The following HS3ST5 variants were observed in gnomAD, a reference collection of about 807,000 sequenced individuals.
HS3ST5 encodes heparan sulfate glucosamine 3-O-sulfotransferase 5.
In HS3ST5, 10 loss-of-function variants were observed where a neutral mutation model predicts 25.4. The observed-to-expected ratio is 0.39, with a 90% confidence interval of 0.24 to 0.67. The LOEUF is 0.67. Ranked by LOEUF, HS3ST5 falls within the 30% of genes least tolerant of loss-of-function variation. The pLI, the probability that HS3ST5 is intolerant of heterozygous loss-of-function variation, is 0.44. For missense variants in HS3ST5, 324 were observed against 420.7 expected (o/e 0.77, Z 2.01); for synonymous variants, 170 against 162.4 (o/e 1.05, Z -0.36).
intron 3 of HS3ST5, among the ~76,000 whole-genome samples, chr6:114,129,389 G>C (rs927242676): frequency 6.6e-6 from 1 of 151,674 alleles, no homozygotes; most frequent in East Asian, 2.0e-4. Flanking sequence ...CAGAGTAGCT[G>C]GGACTACAGG....
At chr6:114,209,813 A>G (rs951221720) in intron 2 of HS3ST5, among the ~76,000 whole-genome samples, 5 of 152,184 alleles carry the variant, frequency 3.3e-5, no homozygotes, top group African/African-American at 1.2e-4. Flanking sequence ...GAAAATACAA[A>G]CACACACATA....
At chr6:114,260,652 C>A (rs1005729717) in intron 1 of HS3ST5, among the ~76,000 whole-genome samples, 28 of 152,012 alleles carry the variant, frequency 1.8e-4, no homozygotes, top group African/African-American at 6.8e-4. Context: ...GTGATCAGAC[C>A]CCAGATTATT....
intron 3 of HS3ST5, among the ~76,000 whole-genome samples, chr6:114,161,521 T>TCATA (rs1778947740): frequency 6.0e-5 from 2 of 33,538 alleles, no homozygotes; most frequent in South Asian, 1.6e-3. Context: ...TCCTGAAGTT[T>TCATA]TATATATATA....
chr6:114,212,902 C>T (rs1277082788), intron 2 of HS3ST5, among the ~76,000 whole-genome samples: 2 of 152,114 alleles, frequency 1.3e-5, no homozygotes, highest in Admixed American at 6.5e-5. Context: ...GGGGCTAGGT[C>T]GAGTGCTTCT....
intron 3 of HS3ST5, among the ~76,000 whole-genome samples, chr6:114,064,875 A>G (rs1309105097): frequency 6.6e-6 from 1 of 152,192 alleles, no homozygotes; most frequent in Non-Finnish European, 1.5e-5. Flanking sequence ...AGGAGGCATG[A>G]GCGAGCAGAG....
intron 1 of HS3ST5, among the ~76,000 whole-genome samples, chr6:114,286,740 A>G (rs1478435157): frequency 6.6e-6 from 1 of 151,900 alleles, no homozygotes; most frequent in Non-Finnish European, 1.5e-5. Context: ...CTTGTGGTTC[A>G]TTTTACATTA....
At chr6:114,268,741 C>CAAAGTAGGTGAGAG (rs1395683761) in intron 1 of HS3ST5, among the ~76,000 whole-genome samples, 4 of 152,082 alleles carry the variant, frequency 2.6e-5, no homozygotes, top group Admixed American at 2.6e-4. Context: ...CACTTTAACT[C>CAAAGTAGGTGAGAG]AAAGTAGGTG....
chr6:114,137,649 C>T (rs1582641286), intron 3 of HS3ST5, among the ~76,000 whole-genome samples: 3 of 152,294 alleles, frequency 2.0e-5, no homozygotes, highest in Admixed American at 1.3e-4. Flanking sequence ...AATGCGATTT[C>T]TTATGTGGAT....
chr6:114,248,081 GT>G, intron 1 of HS3ST5, among the ~76,000 whole-genome samples: 1 of 151,120 alleles, frequency 6.6e-6, no homozygotes, highest in East Asian at 1.9e-4. Context: ...ATGCCTGTAA[GT>G]CCCTGCTACT....
In HS3ST5 at chr6:114,257,851, C is replaced by T. The variant is rs138409780; in HGVS notation, c.-338-29073G>A. Among the ~76,000 whole-genome samples the T allele has an allele frequency of 3.3e-5, 5 of 152,236 alleles. No individual in the cohort carries two copies. The East Asian group carries it at 9.7e-4, about 29-fold the overall frequency. ...TCCTGGGCACAAGTCATTCTCTTGC[C>T]TCATCCTCCTGAATAGCTGAGACTA... On this transcript the variant is annotated intron_variant, in intron 1 of 4. Transcript: ENST00000312719.
intron 3 of HS3ST5, among the ~76,000 whole-genome samples, chr6:114,160,527 C>CAA (rs1778896809): frequency 6.6e-6 from 1 of 152,024 alleles, no homozygotes; most frequent in Admixed American, 6.6e-5. Flanking sequence ...CTGGAAGTAA[C>CAA]TATATATTAA....
intron 2 of HS3ST5, among the ~76,000 whole-genome samples, chr6:114,199,192 T>G (rs1186757789): frequency 6.6e-6 from 1 of 152,152 alleles, no homozygotes; most frequent in Non-Finnish European, 1.5e-5. Context: ...GACATTAAAA[T>G]AGCATACCAT....
At chr6:114,147,827 C>A (rs1778244980) in intron 3 of HS3ST5, among the ~76,000 whole-genome samples, 1 of 152,108 alleles carries the variant, frequency 6.6e-6, no homozygotes, top group Non-Finnish European at 1.5e-5. Context: ...GTGATTCTCC[C>A]ACCTTGGCCT....
chr6:114,191,277 A>C (rs1362966395), intron 2 of HS3ST5, among the ~76,000 whole-genome samples: 1 of 152,202 alleles, frequency 6.6e-6, no homozygotes, highest in Non-Finnish European at 1.5e-5. Context: ...AGTAATTACT[A>C]TAAAATGAAA....
At chr6:114,296,299 A>G (rs904055676) in intron 1 of HS3ST5, among the ~76,000 whole-genome samples, 2 of 152,262 alleles carry the variant, frequency 1.3e-5, no homozygotes, top group African/African-American at 2.4e-5. Context: ...CTCACACAAC[A>G]GATTCACTGA....
intron 3 of HS3ST5, among the ~76,000 whole-genome samples, chr6:114,069,883 T>A (rs890641059): frequency 1.3e-5 from 2 of 152,128 alleles, no homozygotes; most frequent in African/African-American, 4.8e-5. Context: ...TTATATGTTA[T>A]CTTGTTATAT....
intron 1 of HS3ST5, among the ~76,000 whole-genome samples, chr6:114,301,299 A>T (rs1775063536): frequency 6.6e-6 from 1 of 152,198 alleles, no homozygotes; most frequent in African/African-American, 2.4e-5. Context: ...TTCTAGGAAA[A>T]GTTAATTTAT....
chr6:114,321,526 C>T (rs1422241525), intron 1 of HS3ST5, among the ~76,000 whole-genome samples: 1 of 152,074 alleles, frequency 6.6e-6, no homozygotes, highest in African/African-American at 2.4e-5. Context: ...GCTGAAGAAG[C>T]TGGGGACTCC....
chr6:114,286,419 G>T (rs1774342850), intron 1 of HS3ST5, among the ~76,000 whole-genome samples: 1 of 151,930 alleles, frequency 6.6e-6, no homozygotes, highest in Non-Finnish European at 1.5e-5. Context: ...CAACAATAAT[G>T]CATTGTACAT....
Sources: gnomAD v4.1 joint callset for allele counts (sites outside exome capture counted in the v4.1 genomes callset) on GRCh38, gnomAD v4.1.1 for gene constraint, MANE v1.5 for transcripts, NCBI Gene and HGNC (gene_info 2026-07-23, HGNC 2026-07-21) for gene names.